SIK3: variants seen among roughly 807,000 people sequenced by gnomAD.
The protein encoded by SIK3 is serine/threonine-protein kinase SIK3.
A neutral mutation model predicts 144.2 loss-of-function variants in SIK3; 28 were observed. That is an observed-to-expected ratio of 0.19 (90% CI 0.14 to 0.27). The LOEUF (loss-of-function observed/expected upper bound fraction) is 0.27, where lower values mean the gene tolerates loss of function less well. SIK3 is among the 10% of genes least tolerant of loss of function. The probability of loss-of-function intolerance (pLI) is 1.00; values close to 1 mark genes in which losing one functional copy is unlikely to be tolerated. For missense variants in SIK3, 1,319 were observed against 1,776.0 expected (o/e 0.74, Z 4.62); for synonymous variants, 686 against 676.3 (o/e 1.01, Z -0.22).
chr11:117,072,580 A>G (rs1203775879), intron 1 of SIK3, among the ~76,000 whole-genome samples: 2 of 151,982 alleles, frequency 1.3e-5, no homozygotes, highest in Admixed American at 6.6e-5. Context: ...AACCCATACC[A>G]CTCGCTAATA....
At chr11:116,953,744 A>C (rs746853327) in intron 3 of SIK3, among the ~76,000 whole-genome samples, 4 of 152,228 alleles carry the variant, frequency 2.6e-5, no homozygotes, top group Non-Finnish European at 5.9e-5. Flanking sequence ...TAAAACCTGC[A>C]AACAGGAAAG....
Position 116,867,401 on chromosome 11 carries a change from G to A in SIK3, c.1952+545C>T, listed in dbSNP as rs540680274. 8.7e-4 allele frequency among the ~76,000 whole-genome samples: 132 copies of A among 152,280 alleles called. 1 individual carries two copies. The highest frequency in any genetic ancestry group is 3.1e-3 in the African/African-American group (129 of 41,536). ...AAGAGAATGGATTATAACCATAACC[G>A]AACCTAGCAAAAGATTTTTGCCATC... On this transcript the variant is annotated intron_variant, in intron 15 of 24. Coordinates refer to ENST00000445177, the MANE Select transcript of SIK3 (RefSeq NM_001366686.3). This position sits in a 1 kb window ranked among gnomAD's most constrained non-coding sequence, Gnocchi z 4.1.
At chr11:117,073,869 A>G (rs886381252) in intron 1 of SIK3, among the ~76,000 whole-genome samples, 2 of 152,210 alleles carry the variant, frequency 1.3e-5, no homozygotes, top group African/African-American at 4.8e-5. Flanking sequence ...CACAGCTGCT[A>G]AGAAAATTTT....
chr11:116,984,683 A>G (rs1462537830), intron 1 of SIK3, among the ~76,000 whole-genome samples: 2 of 147,696 alleles, frequency 1.4e-5, no homozygotes, highest in African/African-American at 2.6e-5. Flanking sequence ...TATAAGTTGG[A>G]AAAAAAGCAA....
chr11:116,894,025 C>T (rs1945269612), intron 6 of SIK3: 1 of 167,284 alleles, frequency 6.0e-6, no homozygotes, highest in African/African-American at 2.4e-5. Flanking sequence ...ACGATCTCCA[C>T]ATTTCTAAAT....
intron 1 of SIK3, among the ~76,000 whole-genome samples, chr11:116,968,136 C>G (rs995583577): frequency 1.3e-5 from 2 of 152,098 alleles, no homozygotes; most frequent in South Asian, 4.1e-4. Flanking sequence ...TCTTAAATTT[C>G]TGGGTTTTTT....
chr11:116,869,772 A>C, intron 14 of SIK3: 1 of 252,980 alleles, frequency 4.0e-6, no homozygotes, highest in Non-Finnish European at 7.8e-6. Flanking sequence ...GCATCTCTCA[A>C]CAAGGTTCTG....
intron 1 of SIK3, among the ~76,000 whole-genome samples, chr11:117,068,883 T>G (rs914206810): frequency 1.3e-5 from 2 of 152,154 alleles, no homozygotes; most frequent in African/African-American, 4.8e-5. Context: ...CTAATTATGT[T>G]TTGCTTTTTA....
At chr11:116,997,285 A>G (rs1222457450) in intron 1 of SIK3, among the ~76,000 whole-genome samples, 1 of 152,230 alleles carries the variant, frequency 6.6e-6, no homozygotes, top group Non-Finnish European at 1.5e-5. Context: ...CAGCCAGCCC[A>G]TATGGGTCTA....
intron 3 of SIK3, chr11:116,950,156 G>A (rs1230581950): frequency 2.1e-6 from 1 of 470,944 alleles, no homozygotes; most frequent in Non-Finnish European, 4.4e-6. Flanking sequence ...ACAAGTGGGG[G>A]CTGAGTAGAA....
chr11:117,002,520 A>G (rs1405968219), intron 1 of SIK3, among the ~76,000 whole-genome samples: 2 of 152,198 alleles, frequency 1.3e-5, no homozygotes, highest in Non-Finnish European at 2.9e-5. Flanking sequence ...AAACAGAAGC[A>G]AAATCTACTT....
At chr11:117,000,918 T>C (rs986145498) in intron 1 of SIK3, among the ~76,000 whole-genome samples, 1 of 152,240 alleles carries the variant, frequency 6.6e-6, no homozygotes, top group African/African-American at 2.4e-5. Flanking sequence ...TAAAGAGAAC[T>C]GACAGTAATC....
intron 1 of SIK3, among the ~76,000 whole-genome samples, chr11:116,971,815 G>A (rs538990235): frequency 8.2e-4 from 125 of 152,192 alleles, no homozygotes; most frequent in Middle Eastern, 3.4e-3. Flanking sequence ...ATGGCCAGGC[G>A]TGGTGGCTCA....
intron 1 of SIK3, among the ~76,000 whole-genome samples, chr11:116,968,999 G>A (rs1389616135): frequency 6.6e-6 from 1 of 152,188 alleles, no homozygotes; most frequent in African/African-American, 2.4e-5. Flanking sequence ...TTTCATTTAA[G>A]ATAGACAGAC....
At chr11:116,943,573 C>G (rs188021263) in intron 3 of SIK3, among the ~76,000 whole-genome samples, 75 of 152,300 alleles carry the variant, frequency 4.9e-4, no homozygotes, top group Admixed American at 2.9e-3. Context: ...TCACATTCAT[C>G]AAAGACACTC....
chr11:117,084,709 T>C (rs1048608860), intron 1 of SIK3, among the ~76,000 whole-genome samples: 1 of 152,222 alleles, frequency 6.6e-6, no homozygotes, highest in Non-Finnish European at 1.5e-5. Flanking sequence ...GATACGTTTC[T>C]ATGAAAACTT....
At position 116,846,749 on chromosome 11, in the gene SIK3, C is replaced by T. The variant is rs1035564754; in HGVS notation, c.3953-196G>A. On this transcript the variant is annotated intron_variant, in intron 23 of 24. Coordinates refer to ENST00000445177, the MANE Select transcript of SIK3 (RefSeq NM_001366686.3). This position sits in a 1 kb window ranked among gnomAD's most constrained non-coding sequence, Gnocchi z 4.1. ...GGGGCCAAGATTCTTCCTATATTCT[C>T]CTCTACCTGTTCTGCTTTTTTCCCT... Among the ~76,000 whole-genome samples, 4 of 152,186 alleles carry T rather than the reference C, an allele frequency of 2.6e-5. No homozygotes were observed. Among genetic ancestry groups the T allele is most frequent in the Non-Finnish European group, 5.9e-5 (4 of 68,030 alleles).
At chr11:116,852,365 G>A (rs1448676478) in intron 21 of SIK3, among the ~76,000 whole-genome samples, 2 of 152,190 alleles carry the variant, frequency 1.3e-5, no homozygotes, top group Non-Finnish European at 2.9e-5. Flanking sequence ...GCAACCACCT[G>A]ACAAATCATG....
intron 1 of SIK3, among the ~76,000 whole-genome samples, chr11:117,077,036 G>C (rs941236810): frequency 3.3e-5 from 5 of 152,144 alleles, no homozygotes; most frequent in African/African-American, 1.2e-4. Context: ...TGTGTCTGTA[G>C]TCCTAGCTAT....
Sources: allele counts gnomAD v4.1 joint callset (sites outside exome capture counted in the v4.1 genomes callset), GRCh38; gene constraint gnomAD v4.1.1; non-coding constraint Gnocchi (gnomAD v3.1); transcripts MANE v1.5; gene names NCBI Gene and HGNC (gene_info 2026-07-23, HGNC 2026-07-21).